Variants in PTPRM observed in about 807,000 individuals in gnomAD.
PTPRM encodes protein tyrosine phosphatase receptor type M, also known as receptor-type tyrosine-protein phosphatase mu.
A neutral mutation model predicts 186.7 loss-of-function variants in PTPRM; 47 were observed. The ratio of observed to expected loss-of-function variants is 0.25; its 90% CI spans 0.20 to 0.32. PTPRM has a LOEUF of 0.32. PTPRM is among the 10% of genes least tolerant of loss of function. The pLI, the probability that PTPRM is intolerant of heterozygous loss-of-function variation, is 1.00. For synonymous variants in PTPRM, 668 were observed against 674.9 expected (o/e 0.99, Z 0.16); for missense variants, 1,494 against 1,865.0 (o/e 0.80, Z 3.66).
At chr18:8,381,105 A>G (rs2095732053) in intron 29 of PTPRM, among the ~76,000 whole-genome samples, 1 of 152,216 alleles carries the variant, frequency 6.6e-6, no homozygotes, top group Non-Finnish European at 1.5e-5. Flanking sequence ...AACATTAAAG[A>G]GAAAGAATTG....
chr18:7,699,931 A>G (rs901996292), intron 1 of PTPRM, among the ~76,000 whole-genome samples: 1 of 152,152 alleles, frequency 6.6e-6, no homozygotes, highest in African/African-American at 2.4e-5. Flanking sequence ...CATTCAATTG[A>G]TCCAGCACCA....
At chr18:7,855,331 G>T (rs1460257514) in intron 2 of PTPRM, among the ~76,000 whole-genome samples, 1 of 152,202 alleles carries the variant, frequency 6.6e-6, no homozygotes, top group East Asian at 1.9e-4. Flanking sequence ...TGGGCCTGTG[G>T]CTCAGGGGGC....
intron 7 of PTPRM, among the ~76,000 whole-genome samples, chr18:8,027,966 T>C (rs1280518104): frequency 6.6e-6 from 1 of 152,078 alleles, no homozygotes; most frequent in East Asian, 1.9e-4. Context: ...GTCCCCTGGT[T>C]AGTTGTCTTT....
chr18:8,300,322 A>G (rs1240776058), intron 20 of PTPRM, among the ~76,000 whole-genome samples: 1 of 152,152 alleles, frequency 6.6e-6, no homozygotes, highest in African/African-American at 2.4e-5. Flanking sequence ...TACTGGCTCA[A>G]TGACCTTGGG....
At chr18:8,151,545 A>C (rs981497883) in intron 14 of PTPRM, among the ~76,000 whole-genome samples, 2 of 141,542 alleles carry the variant, frequency 1.4e-5, no homozygotes, top group African/African-American at 5.2e-5. Flanking sequence ...TGGCTGCAAG[A>C]ATTTCAAGCC....
At chr18:7,747,532 G>C (rs1271275025) in intron 1 of PTPRM, 1 of 152,272 alleles carries the variant, frequency 6.6e-6, no homozygotes, top group African/African-American at 2.4e-5. Flanking sequence ...AGGGCTGTGA[G>C]GGAGAATCTG....
rs561659483 is a variant in PTPRM at position 7,977,278 on chromosome 18, G to A, written c.1132+21864G>A. Among the ~76,000 whole-genome samples the A allele has an allele frequency of 3.9e-5, 6 of 152,076 alleles. No individual in the cohort carries two copies. In the South Asian group the frequency reaches 6.2e-4, roughly 16 times the overall value. On this transcript the variant is annotated intron_variant, in intron 7 of 32. Transcript: ENST00000580170. ...CTAATTTTTGTATTTTTGTAGAGAC[G>A]GAGTTTTGCCATGTTGGCCAGGCTG...
chr18:7,679,777 G>A (rs2039436895), intron 1 of PTPRM, among the ~76,000 whole-genome samples: 2 of 152,218 alleles, frequency 1.3e-5, no homozygotes, highest in African/African-American at 4.8e-5. Context: ...GTCTCTAGTA[G>A]ATTCTGTGAG....
At chr18:7,774,027 A>G (rs1194421159) in intron 1 of PTPRM, 122 bp from the exon 2 acceptor site, 6 of 982,122 alleles carry the variant, frequency 6.1e-6, no homozygotes, top group African/African-American at 1.6e-5. Context: ...GAGTGGAAAG[A>G]CCTAATCAGA....
chr18:7,664,452 G>C (rs1276738242), intron 1 of PTPRM, among the ~76,000 whole-genome samples: 1 of 152,240 alleles, frequency 6.6e-6, no homozygotes, highest in Non-Finnish European at 1.5e-5. Context: ...AGCCTGCGCT[G>C]TTCTCATATC....
At chr18:7,772,244 T>TTTTTCTCTTCTTTTC (rs2042301382) in intron 1 of PTPRM, among the ~76,000 whole-genome samples, 1 of 140,054 alleles carries the variant, frequency 7.1e-6, no homozygotes, top group Non-Finnish European at 1.5e-5. Context: ...GCTAAGATCT[T>TTTTTCTCTTCTTTTC]TTTTCTTTTC....
At chr18:8,323,179 AAAGACCATGC>A (rs895495388) in intron 22 of PTPRM, among the ~76,000 whole-genome samples, 1 of 152,110 alleles carries the variant, frequency 6.6e-6, no homozygotes, top group African/African-American at 2.4e-5. Context: ...TAACTCAGGG[AAAGACCATGC>A]AAGGCTGTTA....
intron 2 of PTPRM, among the ~76,000 whole-genome samples, chr18:7,840,389 A>T (rs2046265375): frequency 6.6e-6 from 1 of 152,342 alleles, no homozygotes; most frequent in East Asian, 1.9e-4. Context: ...TGGAGGACAC[A>T]TATAGACATA....
At chr18:8,360,325 G>A (rs1476659615) in intron 23 of PTPRM, among the ~76,000 whole-genome samples, 2 of 152,098 alleles carry the variant, frequency 1.3e-5, no homozygotes, top group Non-Finnish European at 2.9e-5. Flanking sequence ...ACCACTCCCT[G>A]TCTGTAGGAC....
chr18:7,592,814 A>G (rs1332540906), intron 1 of PTPRM, among the ~76,000 whole-genome samples: 2 of 152,238 alleles, frequency 1.3e-5, no homozygotes, highest in Non-Finnish European at 2.9e-5. Flanking sequence ...GTGTGTGCAC[A>G]TTCAAGTGTG....
chr18:8,357,504 C>T (rs1007787538), intron 23 of PTPRM, among the ~76,000 whole-genome samples: 1 of 152,088 alleles, frequency 6.6e-6, no homozygotes, highest in Non-Finnish European at 1.5e-5. Context: ...TCAGCAGGGC[C>T]GCAGCGGGTT....
chr18:8,228,462 T>G (rs939394695), intron 14 of PTPRM, among the ~76,000 whole-genome samples: 2 of 152,312 alleles, frequency 1.3e-5, no homozygotes, highest in Admixed American at 1.3e-4. Flanking sequence ...ATGAATAACA[T>G]TAAATTCAAG....
intron 2 of PTPRM, among the ~76,000 whole-genome samples, chr18:7,804,217 G>A (rs992395453): frequency 2.0e-5 from 3 of 152,116 alleles, no homozygotes; most frequent in Non-Finnish European, 4.4e-5. Flanking sequence ...GCTGTGGGCT[G>A]TTACCCTCCT....
chr18:7,669,685 A>G (rs141661677), intron 1 of PTPRM, among the ~76,000 whole-genome samples: 59 of 152,212 alleles, frequency 3.9e-4, no homozygotes, highest in African/African-American at 1.4e-3. Context: ...TGCAAGGCAC[A>G]TGTGGTGAGA....
Sources: gnomAD v4.1 joint callset for allele counts (sites outside exome capture counted in the v4.1 genomes callset) on GRCh38, gnomAD v4.1.1 for gene constraint, MANE v1.5 for transcripts, NCBI Gene and HGNC (gene_info 2026-07-23, HGNC 2026-07-21) for gene names.